MRTFB: variants seen among roughly 807,000 people sequenced by gnomAD.
The protein encoded by MRTFB is myocardin related transcription factor B.
Under a neutral mutation model 104.2 loss-of-function variants are expected in MRTFB, and 29 were observed. That is an observed-to-expected ratio of 0.28 (90% confidence interval 0.21 to 0.38). The LOEUF (loss-of-function observed/expected upper bound fraction) is 0.38, where lower values mean the gene tolerates loss of function less well. MRTFB is among the 10% of genes least tolerant of loss of function. The probability of loss-of-function intolerance (pLI) is 1.00; values close to 1 mark genes in which losing one functional copy is unlikely to be tolerated. For synonymous variants in MRTFB, 535 were observed against 519.5 expected (o/e 1.03, Z -0.41); for missense variants, 1,270 against 1,341.6 (o/e 0.95, Z 0.83).
chr16:14,108,343 C>A (rs1225313634), intron 2 of MRTFB, among the ~76,000 whole-genome samples: 1 of 152,212 alleles, frequency 6.6e-6, no homozygotes, highest in African/African-American at 2.4e-5. Context: ...GAACTTCTAG[C>A]GTTCAGGAAA....
the MRTFB span, among the ~76,000 whole-genome samples, chr16:14,051,776 T>G: frequency 1.3e-5 from 2 of 152,234 alleles, no homozygotes; most frequent in Admixed American, 6.5e-5. Flanking sequence ...CGCACACTTA[T>G]GAGTATTGGG....
rs2043838517 is a variant in MRTFB, at chr16:14,263,327, G to A, written c.*1883G>A. ...CACTAGATGTTCTGTGAATCCTCGA[G>A]TCAGTTCCATTGAGAGGGGCCTGTC... is the stretch of plus-strand genomic sequence containing the variant. On this transcript the variant is annotated 3_prime_UTR_variant, in exon 17 of 17. Coordinates refer to ENST00000571589, the MANE Select transcript of MRTFB (RefSeq NM_001308142.2). 1.3e-5 allele frequency: 2 copies of A among 152,332 alleles called. No homozygotes were observed. Among genetic ancestry groups the A allele is most frequent in the South Asian group, 2.1e-4 (1 of 4,828 alleles). 9.4% of individuals were successfully genotyped at this position (152,332 alleles called of 1,614,324 possible). A position where few individuals can be genotyped will look rare whatever the true frequency, so the allele number is the denominator to read the frequency against.
At chr16:14,095,818 CTTTT>C (rs1337240078) in intron 2 of MRTFB, among the ~76,000 whole-genome samples, 1 of 152,038 alleles carries the variant, frequency 6.6e-6, no homozygotes, top group Non-Finnish European at 1.5e-5. Flanking sequence ...GTTTTTTGAT[CTTTT>C]GTTTTCATGA....
chr16:14,054,934 C>A, the MRTFB span, among the ~76,000 whole-genome samples: 1 of 152,220 alleles, frequency 6.6e-6, no homozygotes, highest in African/African-American at 2.4e-5. Flanking sequence ...CTTTTGATCT[C>A]AAAATAATTT....
At chr16:14,130,779 T>G (rs566365129) in intron 2 of MRTFB, among the ~76,000 whole-genome samples, 1 of 150,380 alleles carries the variant, frequency 6.6e-6, no homozygotes, top group Admixed American at 6.6e-5. Flanking sequence ...TGGGGAGGCC[T>G]CAGGAAACTT....
chr16:14,261,289 C>T lies in MRTFB; in HGVS notation c.3145C>T (p.Leu1049Phe). Reference sequence around the variant, plus strand: ...TGCTGCAGGTACTCCCTGTCTGTCTCTCGACCTGTCAGACTCAAACTTGGA... The same window carrying T: ...TGCTGCAGGTACTCCCTGTCTGTCTTTCGACCTGTCAGACTCAAACTTGGA... Reference protein sequence around the residue: ...QFAAGTPCLSLDLSDSNLDNM... With the variant: ...QFAAGTPCLSFDLSDSNLDNM... The change falls in exon 17 of 17, where the codon CTC (leucine) becomes TTC (phenylalanine). Residue 1049 changes from leucine to phenylalanine, a missense_variant. Transcript: ENST00000571589. The T allele has an allele frequency of 1.9e-6, 3 of 1,614,192 alleles. No homozygotes were observed. Among genetic ancestry groups the T allele is most frequent in the Non-Finnish European group, 1.7e-6 (2 of 1,180,034 alleles).
intron 13 of MRTFB, 118 bp from the exon 14 acceptor site, chr16:14,251,744 A>T: frequency 9.5e-7 from 1 of 1,051,174 alleles, no homozygotes; most frequent in Non-Finnish European, 1.4e-6. Flanking sequence ...CATAAGCTAT[A>T]TACTCTGCAG....
chr16:14,259,027 T>G (rs2043638178), intron 16 of MRTFB, among the ~76,000 whole-genome samples: 2 of 152,370 alleles, frequency 1.3e-5, no homozygotes, highest in South Asian at 4.1e-4. Context: ...TCTCCATTTA[T>G]AGCAGGTATT....
chr16:14,077,390 T>C (rs1417784754), intron 1 of MRTFB, among the ~76,000 whole-genome samples: 3 of 152,240 alleles, frequency 2.0e-5, no homozygotes, highest in Non-Finnish European at 4.4e-5. Flanking sequence ...TGTGAGTTTC[T>C]GGATGTATTG....
chr16:14,140,175 A>G (rs1040521236), intron 2 of MRTFB, among the ~76,000 whole-genome samples: 3 of 152,204 alleles, frequency 2.0e-5, no homozygotes, highest in Non-Finnish European at 4.4e-5. Context: ...TGCTTGATAT[A>G]TAGGAGTTAA....
At chr16:14,187,125 C>A in intron 3 of MRTFB, 1 of 1,026,336 alleles carries the variant, frequency 9.7e-7, no homozygotes, top group South Asian at 1.6e-5. Flanking sequence ...TGCTATGTGT[C>A]TGCTCTCTCT....
intron 15 of MRTFB, among the ~76,000 whole-genome samples, chr16:14,255,879 G>A (rs1164081967): frequency 1.3e-5 from 2 of 151,914 alleles, no homozygotes; most frequent in East Asian, 3.9e-4. Flanking sequence ...CTTGGGAGGC[G>A]AAGTGGGAGG....
At chr16:14,186,240 G>T (rs2039948986) in intron 3 of MRTFB, among the ~76,000 whole-genome samples, 2 of 152,228 alleles carry the variant, frequency 1.3e-5, no homozygotes, top group Non-Finnish European at 2.9e-5. Context: ...CACCACAAAA[G>T]AACTTTGGTG....
At chr16:14,044,791 G>A in the MRTFB span, among the ~76,000 whole-genome samples, 1 of 152,122 alleles carries the variant, frequency 6.6e-6, no homozygotes, top group Non-Finnish European at 1.5e-5. Flanking sequence ...GGTGGCATTC[G>A]GGATATATAG....
chr16:14,031,144 C>T, the MRTFB span, among the ~76,000 whole-genome samples: 1 of 152,224 alleles, frequency 6.6e-6, no homozygotes, highest in African/African-American at 2.4e-5. Flanking sequence ...GTAATCCCAG[C>T]ACTTTGGATG....
At chr16:14,226,971 A>AC (rs2042030703) in intron 8 of MRTFB, among the ~76,000 whole-genome samples, 1 of 114,272 alleles carries the variant, frequency 8.8e-6, no homozygotes, top group South Asian at 3.1e-4. Flanking sequence ...CAGAGCGAGA[A>AC]CCTGTCTCTT....
At chr16:14,046,684 G>T in the MRTFB span, among the ~76,000 whole-genome samples, 2 of 152,096 alleles carry the variant, frequency 1.3e-5, no homozygotes, top group African/African-American at 4.8e-5. Context: ...CAACTGCCAC[G>T]ATCATGTTTC....
chr16:14,264,187 A>G lies in MRTFB; in HGVS notation c.*2743A>G, dbSNP rs192562783. The G allele has an allele frequency of 2.6e-5, 4 of 152,194 alleles. No individual in the cohort carries two copies. Among genetic ancestry groups the G allele is most frequent in the East Asian group, 1.9e-4 (1 of 5,194 alleles). 9.4% of individuals were successfully genotyped at this position (152,194 alleles called of 1,614,324 possible). ...GTGGTTTAAGCAGTGGTACTGTTGT[A>G]TATCATATTGTAAAGTATCATACTG... On this transcript the variant is annotated 3_prime_UTR_variant, in exon 17 of 17. Transcript: ENST00000571589.
At chr16:14,201,185 A>T (rs2064645905) in intron 3 of MRTFB, among the ~76,000 whole-genome samples, 1 of 152,224 alleles carries the variant, frequency 6.6e-6, no homozygotes, top group African/African-American at 2.4e-5. Context: ...TGGCACTAGA[A>T]ACATTGTCAA....
Sources: gnomAD v4.1 joint callset for allele counts (sites outside exome capture counted in the v4.1 genomes callset) on GRCh38, gnomAD v4.1.1 for gene constraint, MANE v1.5 for transcripts, NCBI Gene and HGNC (gene_info 2026-07-23, HGNC 2026-07-21) for gene names.